GTF2F2: variants seen among roughly 807,000 people sequenced by gnomAD.
GTF2F2 encodes general transcription factor IIF subunit 2.
Under a neutral mutation model 42.2 loss-of-function variants are expected in GTF2F2, and 23 were observed. That is an observed-to-expected ratio of 0.55 (90% CI 0.39 to 0.77). The LOEUF (loss-of-function observed/expected upper bound fraction) is 0.77, where lower values mean the gene tolerates loss of function less well. Among genes scored for constraint, GTF2F2 ranks in the 30% least tolerant of loss-of-function variants. The pLI, the probability that GTF2F2 is intolerant of heterozygous loss-of-function variation, is 0.00. For synonymous variants in GTF2F2, 105 were observed against 100.8 expected (o/e 1.04, Z -0.25); for missense variants, 261 against 287.2 (o/e 0.91, Z 0.66).
chr13:45,169,363 A>G (rs1177036297), intron 4 of GTF2F2, among the ~76,000 whole-genome samples: 1 of 152,188 alleles, frequency 6.6e-6, no homozygotes, highest in East Asian at 1.9e-4. Context: ...GCCACAATTG[A>G]GTGGCCATCT....
At chr13:45,183,918 C>T (rs912349763) in intron 4 of GTF2F2, among the ~76,000 whole-genome samples, 7 of 151,744 alleles carry the variant, frequency 4.6e-5, no homozygotes, top group Admixed American at 3.3e-4. Flanking sequence ...TACAGTGGCA[C>T]GATCTTGGCT....
intron 4 of GTF2F2, among the ~76,000 whole-genome samples, chr13:45,198,099 A>G (rs1397269637): frequency 6.6e-6 from 1 of 152,264 alleles, no homozygotes; most frequent in Non-Finnish European, 1.5e-5. Context: ...TTGAGAATTT[A>G]AACTGGTCCT....
intron 4 of GTF2F2, among the ~76,000 whole-genome samples, chr13:45,183,287 A>G (rs149094586): frequency 6.6e-6 from 1 of 152,282 alleles, no homozygotes; most frequent in Non-Finnish European, 1.5e-5. Flanking sequence ...TGACTTAAGC[A>G]CATTGTTTTC....
intron 4 of GTF2F2, among the ~76,000 whole-genome samples, chr13:45,171,193 T>C (rs1026591394): frequency 3.4e-5 from 5 of 145,898 alleles, no homozygotes; most frequent in African/African-American, 1.3e-4. Context: ...TTCTCCTGCC[T>C]CAACCTCCTG....
chr13:45,251,171 T>C (rs780747963), intron 5 of GTF2F2, among the ~76,000 whole-genome samples: 1 of 152,156 alleles, frequency 6.6e-6, no homozygotes, highest in Non-Finnish European at 1.5e-5. Context: ...TTATATCTTC[T>C]CAGCAATTTG....
chr13:45,134,412 G>A (rs945522311), intron 1 of GTF2F2, among the ~76,000 whole-genome samples: 2 of 152,056 alleles, frequency 1.3e-5, no homozygotes, highest in African/African-American at 4.8e-5. Flanking sequence ...CCAAATAACT[G>A]AGTTAACATG....
At chr13:45,126,732 T>C (rs562737906) in intron 1 of GTF2F2, among the ~76,000 whole-genome samples, 1 of 152,344 alleles carries the variant, frequency 6.6e-6, no homozygotes, top group East Asian at 1.9e-4. Context: ...AGTCAAATAT[T>C]GGTCTTAACG....
In GTF2F2 at chr13:45,228,217, T is replaced by C. The variant is rs111448530; in HGVS notation, c.386+20712T>C. Among the ~76,000 whole-genome samples the C allele has an allele frequency of 3.6e-3, 543 of 149,832 alleles. 3 individuals carry two copies. Among genetic ancestry groups the C allele is most frequent in the African/African-American group, 0.012 (503 of 40,366 alleles). Reference sequence around the variant, plus strand: ...GCAGCTTCTCCTCATCCCTTGGGTATTGTTCTCCCTAAACACCAGTCTCTG... The same window carrying C: ...GCAGCTTCTCCTCATCCCTTGGGTACTGTTCTCCCTAAACACCAGTCTCTG... On this transcript the variant is annotated intron_variant, in intron 5 of 7. Coordinates refer to ENST00000340473, the MANE Select transcript of GTF2F2 (RefSeq NM_004128.3).
intron 5 of GTF2F2, among the ~76,000 whole-genome samples, chr13:45,231,037 A>C (rs1874651162): frequency 6.6e-6 from 1 of 151,918 alleles, no homozygotes; most frequent in Non-Finnish European, 1.5e-5. Flanking sequence ...ATTGTATCAC[A>C]GAAGTTCATA....
intron 5 of GTF2F2, among the ~76,000 whole-genome samples, chr13:45,213,799 T>TA (rs1873790894): frequency 6.6e-6 from 1 of 152,192 alleles, no homozygotes; most frequent in Non-Finnish European, 1.5e-5. Flanking sequence ...TATTTGCACT[T>TA]ACTTGAAACC....
chr13:45,275,031 G>A (rs1241305093), intron 7 of GTF2F2, among the ~76,000 whole-genome samples: 1 of 151,958 alleles, frequency 6.6e-6, no homozygotes, highest in African/African-American at 2.4e-5. Flanking sequence ...CCCATTACTA[G>A]TCACTCCTGT....
rs140958495 is a variant in GTF2F2, at chr13:45,270,896, G to A, written c.630+3520G>A. Among the ~76,000 whole-genome samples the A allele has an allele frequency of 5.0e-3, 758 of 152,242 alleles. 8 individuals are homozygous for A. The highest frequency in any genetic ancestry group is 0.017 in the African/African-American group (719 of 41,542). On this transcript the variant is annotated intron_variant, in intron 7 of 7. Transcript: ENST00000340473. Reference sequence around the variant, plus strand: ...ATTGCTCCCTTTGAAACACCAAACTGCCAATACCACTCTGAACTTCAACAC... The same window carrying A: ...ATTGCTCCCTTTGAAACACCAAACTACCAATACCACTCTGAACTTCAACAC...
At chr13:45,126,779 G>T (rs1429796812) in intron 1 of GTF2F2, among the ~76,000 whole-genome samples, 3 of 152,222 alleles carry the variant, frequency 2.0e-5, no homozygotes, top group Admixed American at 6.5e-5. Flanking sequence ...CTGAAGCAAG[G>T]AATATTGTTT....
chr13:45,166,993 C>T (rs1871323828), intron 4 of GTF2F2, among the ~76,000 whole-genome samples: 1 of 151,982 alleles, frequency 6.6e-6, no homozygotes, highest in Admixed American at 6.6e-5. Context: ...ATGTTCCTAC[C>T]AGCCGTTAGA....
chr13:45,138,745 A>T (rs1215501818), intron 2 of GTF2F2, among the ~76,000 whole-genome samples: 1 of 152,182 alleles, frequency 6.6e-6, no homozygotes, highest in Admixed American at 6.5e-5. Flanking sequence ...TCCCGGGTTC[A>T]AGCGATTCTC....
At chr13:45,268,476 AT>A (rs1876659224) in intron 7 of GTF2F2, among the ~76,000 whole-genome samples, 1 of 152,156 alleles carries the variant, frequency 6.6e-6, no homozygotes, top group African/African-American at 2.4e-5. Flanking sequence ...ATTAATTTGA[AT>A]TCCAAAAGAT....
chr13:45,250,255 A>G (rs1274016334), intron 5 of GTF2F2, among the ~76,000 whole-genome samples: 13 of 151,894 alleles, frequency 8.6e-5, no homozygotes, highest in Admixed American at 6.6e-4. Flanking sequence ...GGGTTTCACC[A>G]TGTTGCCCAG....
chr13:45,235,440 A>T (rs1297371873), intron 5 of GTF2F2, among the ~76,000 whole-genome samples: 1 of 151,148 alleles, frequency 6.6e-6, no homozygotes, highest in Non-Finnish European at 1.5e-5. Context: ...TTTTCTTCTG[A>T]CTTCTTAAGG....
chr13:45,211,668 A>G (rs1457644487), intron 5 of GTF2F2, among the ~76,000 whole-genome samples: 2 of 151,210 alleles, frequency 1.3e-5, no homozygotes, highest in Non-Finnish European at 2.9e-5. Context: ...GCTCACCGCA[A>G]CCTCCGCCTC....
Sources: gnomAD v4.1 joint callset for allele counts (sites outside exome capture counted in the v4.1 genomes callset) on GRCh38, gnomAD v4.1.1 for gene constraint, MANE v1.5 for transcripts, NCBI Gene and HGNC (gene_info 2026-07-23, HGNC 2026-07-21) for gene names.